Variants in KDR observed in about 807,000 individuals in gnomAD.
KDR encodes the protein vascular endothelial growth factor receptor 2.
A neutral mutation model predicts 160.9 loss-of-function variants in KDR; 43 were observed. The ratio of observed to expected loss-of-function variants is 0.27; its 90% CI spans 0.21 to 0.34. KDR has a LOEUF of 0.34. Ranked by LOEUF, KDR falls within the 10% of genes least tolerant of loss-of-function variation. The pLI is 1.00. For synonymous variants in KDR, 617 were observed against 600.1 expected, an observed-to-expected ratio of 1.03 and a Z score of -0.41; for missense variants, 1,469 against 1,666.4, an observed-to-expected ratio of 0.88 and a Z score of 2.06.
chr4:55,104,764 A>G lies in KDR; in HGVS notation c.1866T>C (p.Asn622=), dbSNP rs745583761. ...TCTTAAGCTCCATGATCAAAATGTC[A>G]TTTGTGCTATTAGAGAACATGGTGG... ...LNATMFSNST[N]DILIMELKNA... is the part of the protein sequence containing the mutation. The change falls in exon 13 of 30, where the codon AAT becomes AAC. Residue 622 remains asparagine (N), a synonymous_variant. Transcript: ENST00000263923. 6.2e-6 allele frequency: 10 copies of G among 1,613,820 alleles called. No homozygotes were observed. Among genetic ancestry groups the G allele is most frequent in the Non-Finnish European group, 8.5e-6 (10 of 1,179,890 alleles).
Position 55,114,281 on chromosome 4 carries a change from T to G in KDR, c.659-16A>C. ...ATCCTATACCCTAGAGCAAGTAAATTGAAAAAACAGAACATGAGAGAGCAA... is the reference window on the plus strand; with the variant it reads ...ATCCTATACCCTAGAGCAAGTAAATGGAAAAAACAGAACATGAGAGAGCAA... On this transcript the variant is annotated splice_polypyrimidine_tract_variant and intron_variant, in intron 5 of 29. Coordinates refer to ENST00000263923, the MANE Select transcript of KDR (RefSeq NM_002253.4). 1 of 1,612,814 alleles carries G rather than the reference T, an allele frequency of 6.2e-7. No individual in the cohort carries two copies. The highest frequency in any genetic ancestry group is 8.5e-7 in the Non-Finnish European group (1 of 1,179,212).
intron 15 of KDR, among the ~76,000 whole-genome samples, chr4:55,099,210 G>A (rs1362491613): frequency 6.6e-6 from 1 of 151,862 alleles, no homozygotes; most frequent in Non-Finnish European, 1.5e-5. Context: ...GTAGAGACAG[G>A]GTCTCACTAC....
chr4:55,111,826 G>A (rs1488913613), intron 7 of KDR, among the ~76,000 whole-genome samples: 1 of 152,206 alleles, frequency 6.6e-6, no homozygotes, highest in Non-Finnish European at 1.5e-5. Flanking sequence ...GCATAGCTTT[G>A]TAGTCAGGAA....
At chr4:55,085,817 C>G (rs1207929714) in intron 27 of KDR, among the ~76,000 whole-genome samples, 1 of 152,202 alleles carries the variant, frequency 6.6e-6, no homozygotes, top group Non-Finnish European at 1.5e-5. Context: ...TTTGTCCACG[C>G]TTCTGGGGAT....
chr4:55,098,042 C>G lies in KDR; in HGVS notation c.2509+95G>C, dbSNP rs543593218. Reference sequence around the variant, plus strand: ...GGAATTAATATTTCTAAACCAGAATCCAACATCTGAATACACCACATTTGT... The same window carrying G: ...GGAATTAATATTTCTAAACCAGAATGCAACATCTGAATACACCACATTTGT... On this transcript the variant is annotated intron_variant, in intron 17 of 29. Coordinates refer to ENST00000263923, the MANE Select transcript of KDR (RefSeq NM_002253.4). 9 of 1,482,106 alleles carry G rather than the reference C, an allele frequency of 6.1e-6. No individual in the cohort carries two copies. In the South Asian group the frequency reaches 9.1e-5, roughly 15 times the overall value. 91.8% of individuals were successfully genotyped at this position (1,482,106 alleles called of 1,614,324 possible).
Position 55,110,742 on chromosome 4 carries a change from C to T in KDR, c.1003G>A (p.Gly335Ser), listed in dbSNP as rs775314212. The change falls in exon 8 of 30, where the codon GGC becomes AGC. Residue 335 changes from glycine to serine, a missense_variant. Physicochemically the swap from Gly to Ser is moderately conservative, Grantham distance 56. Transcript: ENST00000263923. ...GTGGCTTCCACCAGAGATTCCATGC[C>T]ACTTCCAAAAGCAACAAAAGGTTTT... ...HEKPFVAFGS[G>S]MESLVEATVG... is the part of the protein sequence containing the mutation. The T allele has an allele frequency of 1.9e-6, 3 of 1,611,220 alleles. No homozygotes were observed. In the South Asian group the frequency reaches 3.3e-5, roughly 18 times the overall value.
Position 55,114,159 on chromosome 4 carries a change from C to G in KDR, c.765G>C (p.Gly255=), listed in dbSNP as rs142474707. The change falls in exon 6 of 30, where the codon GGG becomes GGC. Residue 255 remains glycine (G), a synonymous_variant. Coordinates refer to ENST00000263923, the MANE Select transcript of KDR (RefSeq NM_002253.4). ...AAGGGTATTCCCAGTTGAAGTCAAT[C>G]CCCACATTTAGTTCAGTTCTTGCTG... ...NCTARTELNV[G]IDFNWEYPSS... The G allele has an allele frequency of 1.9e-5, 30 of 1,613,814 alleles. No homozygotes were observed. Among genetic ancestry groups the G allele is most frequent in the Admixed American group, 3.3e-5 (2 of 59,990 alleles).
intron 13 of KDR, among the ~76,000 whole-genome samples, chr4:55,103,088 G>C (rs552592026): frequency 1.3e-5 from 2 of 152,248 alleles, no homozygotes; most frequent in East Asian, 3.9e-4. Context: ...CAGTTGAACT[G>C]TTTACAGAAT....
intron 4 of KDR, 59 bp from the exon 5 acceptor site, chr4:55,115,101 A>G: frequency 7.1e-7 from 1 of 1,400,102 alleles, no homozygotes; most frequent in South Asian, 1.2e-5. Context: ...AGAGCCATGT[A>G]CAATGATCAC....
rs1578129156 is a variant in KDR at position 55,091,515 on chromosome 4, C to T, written c.3069+1102G>A. ...AAAAATGGTAATAATAAGTCATAAT[C>T]TCCAAGAAGTGTAAAGGGCCTTTCT... On this transcript the variant is annotated intron_variant, in intron 22 of 29. Coordinates refer to ENST00000263923, the MANE Select transcript of KDR (RefSeq NM_002253.4). 2.0e-5 allele frequency among the ~76,000 whole-genome samples: 3 copies of T among 152,248 alleles called. 1 individual carries two copies.
intron 15 of KDR, among the ~76,000 whole-genome samples, chr4:55,099,717 C>T (rs1019034323): frequency 1.3e-5 from 2 of 152,158 alleles, no homozygotes; most frequent in Non-Finnish European, 2.9e-5. Flanking sequence ...TCTCAGTTTT[C>T]AGATGAAGAA....
intron 27 of KDR, among the ~76,000 whole-genome samples, chr4:55,083,371 C>T (rs899049862): frequency 6.6e-6 from 1 of 152,068 alleles, no homozygotes; most frequent in Non-Finnish European, 1.5e-5. Context: ...AGTAGCACTC[C>T]CTCCCCAGCT....
intron 2 of KDR, among the ~76,000 whole-genome samples, 175 bp downstream of exon 2, chr4:55,120,922 T>A (rs1484883020): frequency 6.6e-6 from 1 of 151,974 alleles, no homozygotes; most frequent in Non-Finnish European, 1.5e-5. Flanking sequence ...TTGTACAGAA[T>A]TTTTGAGAGA....
chr4:55,105,849 A>G lies in KDR; in HGVS notation c.1628T>C (p.Ile543Thr). Reference sequence around the variant, plus strand: ...GTACTTACTGGTCACGTGGAAGGAGATCACCCTCTCTCCTCTCCCGACTTT... The same window carrying G: ...GTACTTACTGGTCACGTGGAAGGAGGTCACCCTCTCTCCTCTCCCGACTTT... ...VNKVGRGERV[I>T]SFHVTRGPEI... The change falls in exon 12 of 30, where the codon ATC becomes ACC. Residue 543 changes from isoleucine (I) to threonine (T), a missense_variant. Physicochemically the swap from Ile to Thr is moderately conservative, Grantham distance 89 (BLOSUM62 -1). Around this residue, in one of 7 missense-constraint regions of KDR, gnomAD observed 792 missense variants for 840.9 expected, o/e 0.94. Coordinates refer to ENST00000263923, the MANE Select transcript of KDR (RefSeq NM_002253.4). The G allele has an allele frequency of 1.2e-6, 2 of 1,609,410 alleles. No individual in the cohort carries two copies. Among genetic ancestry groups the G allele is most frequent in the Non-Finnish European group, 1.7e-6 (2 of 1,175,790 alleles).
intron 13 of KDR, among the ~76,000 whole-genome samples, chr4:55,103,747 T>C (rs1720369898): frequency 6.6e-6 from 1 of 151,856 alleles, no homozygotes; most frequent in South Asian, 2.1e-4. Flanking sequence ...GTGGTATAGA[T>C]GAATTTACTT....
chr4:55,089,762 A>G lies in KDR; in HGVS notation c.3233T>C (p.Phe1078Ser), dbSNP rs2110011054. The G allele has an allele frequency of 1.9e-6, 3 of 1,614,182 alleles. No individual in the cohort carries two copies. The highest frequency in any genetic ancestry group is 2.5e-6 in the Non-Finnish European group (3 of 1,180,020). ...PLKWMAPETI[F>S]DRVYTIQSDV... is the part of the protein sequence containing the mutation. ...ACTCTGGATTGTGTACACTCTGTCA[A>G]AAATTGTTTCTGGGGCCATCCATTT... The change falls in exon 24 of 30, where the codon TTT (phenylalanine) becomes TCT (serine). Residue 1078 changes from phenylalanine to serine, a missense_variant. This residue lies in a region of KDR where 132 missense variants were observed against 195.9 expected (regional missense o/e 0.67). Coordinates refer to ENST00000263923, the MANE Select transcript of KDR (RefSeq NM_002253.4).
In KDR at chr4:55,107,656, A is replaced by G. The variant is rs948456473; in HGVS notation, c.1412+81T>C. On this transcript the variant is annotated intron_variant, in intron 10 of 29. Coordinates refer to ENST00000263923, the MANE Select transcript of KDR (RefSeq NM_002253.4). ...AACTTTTTTTGGTTTAGGCTTCTCC[A>G]TTTAGGATGGAGTCATATCATAGCT... 8.2e-6 allele frequency: 13 copies of G among 1,587,688 alleles called. No individual in the cohort carries two copies. The African/African-American group carries it at 1.8e-4, about 21-fold the overall frequency.
At chr4:55,105,167 A>G (rs766734630) in intron 12 of KDR, among the ~76,000 whole-genome samples, 183 bp from the exon 13 acceptor site, 8 of 152,184 alleles carry the variant, frequency 5.3e-5, no homozygotes, top group African/African-American at 1.2e-4. Flanking sequence ...TATTTGGCCA[A>G]ACACATTACT....
In KDR at chr4:55,080,178, GCAAA is replaced by G; in HGVS notation, c.3849-19_3849-16del. ...GCACCATTCCACTGCAGAAGAAATG[GCAAA>G]CAAAGGAGTTGGCAGAGAGAAGACA... On this transcript the variant is annotated splice_polypyrimidine_tract_variant and intron_variant, in intron 29 of 29. Coordinates refer to ENST00000263923, the MANE Select transcript of KDR (RefSeq NM_002253.4). The G allele has an allele frequency of 6.2e-7, 1 of 1,608,732 alleles. No homozygotes were observed. Among genetic ancestry groups the G allele is most frequent in the Non-Finnish European group, 8.5e-7 (1 of 1,176,530 alleles).
Sources: gnomAD v4.1 joint callset for allele counts (sites outside exome capture counted in the v4.1 genomes callset) on GRCh38, gnomAD v4.1.1 for gene constraint, gnomAD v4.1.1 regional missense constraint, MANE v1.5 for transcripts, NCBI Gene and HGNC (gene_info 2026-07-23, HGNC 2026-07-21) for gene names.